The following SGK3 variants were observed in gnomAD, a reference collection of about 807,000 sequenced individuals.
SGK3 encodes serine/threonine-protein kinase Sgk3.
A neutral mutation model predicts 68.5 loss-of-function variants in SGK3; 47 were observed. The ratio of observed to expected loss-of-function variants is 0.69; its 90% CI spans 0.54 to 0.87. SGK3 has a LOEUF of 0.87. Ranked by LOEUF, SGK3 falls within the 40% of genes least tolerant of loss-of-function variation. The pLI, the probability that SGK3 is intolerant of heterozygous loss-of-function variation, is 0.00. For missense variants in SGK3, 479 were observed against 575.5 expected, an observed-to-expected ratio of 0.83 and a Z score of 1.72; for synonymous variants, 181 against 189.1, an observed-to-expected ratio of 0.96 and a Z score of 0.35.
intron 1 of SGK3, among the ~76,000 whole-genome samples, chr8:66,736,602 C>T (rs912685106): frequency 6.6e-6 from 1 of 151,664 alleles, no homozygotes; most frequent in African/African-American, 2.4e-5. Context: ...GAACTACAGG[C>T]ACATGCCACC....
At chr8:66,787,425 G>C (rs1807254079) in intron 1 of SGK3, among the ~76,000 whole-genome samples, 1 of 152,220 alleles carries the variant, frequency 6.6e-6, no homozygotes, top group South Asian at 2.1e-4. Context: ...AGTCAGTCTT[G>C]CTTCTGTGAA....
chr8:66,743,597 C>T (rs1234227980), intron 1 of SGK3, among the ~76,000 whole-genome samples: 1 of 152,264 alleles, frequency 6.6e-6, no homozygotes, highest in Non-Finnish European at 1.5e-5. Flanking sequence ...TCTCAGCTCA[C>T]TGCAACTTCT....
chr8:66,767,691 A>G (rs1806363389), intron 1 of SGK3: 1 of 1,433,696 alleles, frequency 7.0e-7, no homozygotes, highest in Admixed American at 1.7e-5. Flanking sequence ...CATCTGAGGC[A>G]GGAACAGAGT....
intron 16 of SGK3, among the ~76,000 whole-genome samples, chr8:66,859,198 A>T (rs1810657908): frequency 6.6e-6 from 1 of 151,826 alleles, no homozygotes; most frequent in African/African-American, 2.4e-5. Flanking sequence ...TGGGCGTGGT[A>T]GGTGGGCGCC....
rs1262676708 is a variant in SGK3, at chr8:66,861,237, A to G, written c.*1656A>G. On this transcript the variant is annotated 3_prime_UTR_variant, in exon 17 of 17. Coordinates refer to ENST00000521198, the MANE Select transcript of SGK3 (RefSeq NM_001033578.3). ...ATGTGTATTCAGTATCCAATTCAAT[A>G]TATCTTAGAAAAAGCACAGGAAACA... 2.0e-5 allele frequency: 3 copies of G among 152,238 alleles called. No homozygotes were observed. Among genetic ancestry groups the G allele is most frequent in the African/African-American group, 2.4e-5 (1 of 41,462 alleles). The allele number at this position is 152,238 out of a possible 1,614,324, so 9.4% of individuals were successfully genotyped here. A position where few individuals can be genotyped will look rare whatever the true frequency, so the allele number is the denominator to read the frequency against.
At chr8:66,828,886 C>T (rs1168226917) in intron 7 of SGK3, among the ~76,000 whole-genome samples, 183 bp downstream of exon 7, 1 of 140,812 alleles carries the variant, frequency 7.1e-6, no homozygotes, top group African/African-American at 2.6e-5. Flanking sequence ...TTAGGATAGC[C>T]CTGAGGAATT....
intron 1 of SGK3, among the ~76,000 whole-genome samples, chr8:66,722,235 A>G (rs530640873): frequency 6.6e-6 from 1 of 152,118 alleles, no homozygotes; most frequent in Non-Finnish European, 1.5e-5. Context: ...ATTTTCTCAT[A>G]AACATTATTG....
Position 66,743,838 on chromosome 8 carries a change from AT to A in SGK3, c.-122+31007del, listed in dbSNP as rs568263480. On this transcript the variant is annotated intron_variant, in intron 1 of 16. Transcript: ENST00000521198. Reference sequence around the variant, plus strand: ...CTAATTTTTTTTGTACTTGTCTCTAATTCTTCCTAAGCCCTGTAGCAGCCTT... The same window carrying A: ...CTAATTTTTTTTGTACTTGTCTCTAATCTTCCTAAGCCCTGTAGCAGCCTT... Among the ~76,000 whole-genome samples the A allele has an allele frequency of 1.7e-4, 26 of 152,308 alleles. 1 individual carries two copies. The East Asian group carries it at 4.8e-3, about 28-fold the overall frequency.
At chr8:66,838,626 A>G (rs1809639057) in intron 10 of SGK3, among the ~76,000 whole-genome samples, 1 of 152,096 alleles carries the variant, frequency 6.6e-6, no homozygotes, top group Non-Finnish European at 1.5e-5. Flanking sequence ...ACCTTTTTGT[A>G]CAGTGACTGC....
At chr8:66,818,040 G>A (rs1808664682) in intron 5 of SGK3, among the ~76,000 whole-genome samples, 1 of 152,134 alleles carries the variant, frequency 6.6e-6, no homozygotes, top group Admixed American at 6.6e-5. Flanking sequence ...AATCACCCGA[G>A]CCCAGGAGAT....
intron 1 of SGK3, among the ~76,000 whole-genome samples, chr8:66,776,604 G>A (rs576682521): frequency 1.3e-5 from 2 of 152,218 alleles, no homozygotes; most frequent in Non-Finnish European, 2.9e-5. Context: ...GCTTAGGCTA[G>A]AATTCAGCTC....
At chr8:66,826,294 T>C (rs753321043) in intron 6 of SGK3, among the ~76,000 whole-genome samples, 1 of 152,130 alleles carries the variant, frequency 6.6e-6, no homozygotes, top group Non-Finnish European at 1.5e-5. Context: ...ATAAGAAAAA[T>C]TTATTGAATG....
chr8:66,800,664 T>G (rs1474817720), intron 3 of SGK3, among the ~76,000 whole-genome samples: 1 of 152,200 alleles, frequency 6.6e-6, no homozygotes. Flanking sequence ...AGATTTCTGA[T>G]TCATCTTTAT....
intron 1 of SGK3, among the ~76,000 whole-genome samples, chr8:66,771,717 G>A (rs1021525480): frequency 6.6e-5 from 10 of 152,120 alleles, no homozygotes; most frequent in Non-Finnish European, 1.5e-4. Context: ...AGTATTTAGC[G>A]AAGGAGAGAG....
At chr8:66,736,085 A>C (rs900592187) in intron 1 of SGK3, among the ~76,000 whole-genome samples, 13 of 152,192 alleles carry the variant, frequency 8.5e-5, no homozygotes, top group Admixed American at 1.3e-4. Flanking sequence ...GTAGTTAAGA[A>C]TGGGGGCTGT....
intron 6 of SGK3, among the ~76,000 whole-genome samples, chr8:66,823,673 A>C (rs1240372576): frequency 6.6e-6 from 1 of 152,044 alleles, no homozygotes; most frequent in Non-Finnish European, 1.5e-5. Flanking sequence ...TGGGATTACA[A>C]GCATGAGCTG....
chr8:66,767,920 C>G, intron 1 of SGK3: 4 of 1,088,744 alleles, frequency 3.7e-6, no homozygotes, highest in Non-Finnish European at 5.7e-6. Flanking sequence ...GATTGAAGGT[C>G]CAGACCCCAG....
At chr8:66,734,193 CAT>C (rs1205546400) in intron 1 of SGK3, among the ~76,000 whole-genome samples, 4 of 146,452 alleles carry the variant, frequency 2.7e-5, no homozygotes, top group African/African-American at 1.0e-4. Context: ...TTGATAGTAA[CAT>C]AAATTTATTA....
At chr8:66,782,791 C>T (rs1807044059) in intron 1 of SGK3, among the ~76,000 whole-genome samples, 1 of 152,138 alleles carries the variant, frequency 6.6e-6, no homozygotes, top group Non-Finnish European at 1.5e-5. Context: ...TTCTCCATGT[C>T]TTGTTATGGC....
Sources: allele counts gnomAD v4.1 joint callset (sites outside exome capture counted in the v4.1 genomes callset), GRCh38; gene constraint gnomAD v4.1.1; transcripts MANE v1.5; gene names NCBI Gene and HGNC (gene_info 2026-07-23, HGNC 2026-07-21).